The following PEX7 variants were observed in gnomAD, a reference collection of about 807,000 sequenced individuals.
PEX7 encodes the protein PTS2 receptor.
PEX7 carries 34 observed loss-of-function variants against 47.5 expected under a neutral mutation model. The observed-to-expected ratio is 0.72, with a 90% CI of 0.54 to 0.95. PEX7 has a LOEUF of 0.95. Ranked by LOEUF, PEX7 falls within the 40% of genes least tolerant of loss-of-function variation. PEX7 has a pLI of 0.00. For synonymous variants in PEX7, 141 were observed against 148.8 expected (o/e 0.95, Z 0.38); for missense variants, 394 against 400.3 (o/e 0.98, Z 0.13).
chr6:136,828,080 A>C (rs1774229790), intron 3 of PEX7, among the ~76,000 whole-genome samples: 1 of 152,096 alleles, frequency 6.6e-6, no homozygotes, highest in Admixed American at 6.6e-5. Flanking sequence ...GACATCATAA[A>C]ATAATATAGC....
chr6:136,850,118 T>C (rs1359045626), intron 5 of PEX7, among the ~76,000 whole-genome samples: 1 of 152,168 alleles, frequency 6.6e-6, no homozygotes, highest in Non-Finnish European at 1.5e-5. Context: ...TGGCCTTCTT[T>C]GTCTCTTCTG....
At chr6:136,875,949 A>G (rs1775263051) in intron 8 of PEX7, among the ~76,000 whole-genome samples, 1 of 151,838 alleles carries the variant, frequency 6.6e-6, no homozygotes, top group Non-Finnish European at 1.5e-5. Context: ...TATCAGAATC[A>G]TTGCCCTCGC....
Position 136,828,892 on chromosome 6 carries a change from A to C in PEX7, c.339+2423A>C, listed in dbSNP as rs138052342. Among the ~76,000 whole-genome samples the C allele has an allele frequency of 9.2e-3, 1,397 of 152,322 alleles. 24 individuals are homozygous for C. Among genetic ancestry groups the C allele is most frequent in the African/African-American group, 0.031 (1,268 of 41,568 alleles). Reference sequence around the variant, plus strand: ...TGAACTGCTATTAAACCAGTTTTACATCATTCTGTGATTTTGCAGCTGATT... The same window carrying C: ...TGAACTGCTATTAAACCAGTTTTACCTCATTCTGTGATTTTGCAGCTGATT... On this transcript the variant is annotated intron_variant, in intron 3 of 9. Transcript: ENST00000318471.
At chr6:136,837,459 A>G (rs1344928018) in intron 3 of PEX7, among the ~76,000 whole-genome samples, 1 of 151,838 alleles carries the variant, frequency 6.6e-6, no homozygotes, top group Non-Finnish European at 1.5e-5. Context: ...GGGAATAGTT[A>G]TATAAACTTG....
At chr6:136,845,162 G>A (rs1226943116) in intron 3 of PEX7, among the ~76,000 whole-genome samples, 4 of 152,166 alleles carry the variant, frequency 2.6e-5, no homozygotes, top group Non-Finnish European at 4.4e-5. Context: ...AAGAGATCTG[G>A]AAGGATCACC....
At chr6:136,838,239 A>T (rs956965775) in intron 3 of PEX7, among the ~76,000 whole-genome samples, 5 of 152,240 alleles carry the variant, frequency 3.3e-5, no homozygotes, top group African/African-American at 1.2e-4. Context: ...TCCTAATATA[A>T]TTGGAAGCTA....
intron 5 of PEX7, among the ~76,000 whole-genome samples, chr6:136,860,081 G>C (rs1279809472): frequency 1.1e-4 from 17 of 151,948 alleles, no homozygotes; most frequent in Admixed American, 1.0e-3. Context: ...GATAAGAGAA[G>C]CTGGCAATTC....
intron 3 of PEX7, among the ~76,000 whole-genome samples, chr6:136,828,472 G>A (rs1582734306): frequency 6.6e-6 from 1 of 152,242 alleles, no homozygotes; most frequent in East Asian, 1.9e-4. Context: ...ACCTTCTATA[G>A]CAACCAACTG....
In PEX7 at chr6:136,850,990, T is replaced by A. The variant is rs866235653; in HGVS notation, c.526+4809T>A. The stretch of plus-strand genomic sequence containing the variant: ...CTGTCTTTTTTTTTTATTTTTTTTT[T>A]ATTTTTAATTTTTTTTTTTTTTATT... On this transcript the variant is annotated intron_variant, in intron 5 of 9. Transcript: ENST00000318471. Among the ~76,000 whole-genome samples the A allele has an allele frequency of 7.3e-4, 82 of 112,158 alleles. 1 individual carries two copies. Among genetic ancestry groups the A allele is most frequent in the Middle Eastern group, 8.5e-3 (2 of 236 alleles). 73.6% of individuals were successfully genotyped at this position (112,158 alleles called of 152,430 possible). A position where few individuals can be genotyped will look rare whatever the true frequency, so the allele number is the denominator to read the frequency against.
chr6:136,906,312 CAAATT>C (rs1227783115), intron 9 of PEX7, among the ~76,000 whole-genome samples: 3 of 151,910 alleles, frequency 2.0e-5, no homozygotes, highest in African/African-American at 7.3e-5. Flanking sequence ...TCATGATTGT[CAAATT>C]GAATAAGTAT....
At chr6:136,841,891 A>C in intron 3 of PEX7, among the ~76,000 whole-genome samples, 2 of 135,112 alleles carry the variant, frequency 1.5e-5, no homozygotes, top group African/African-American at 5.5e-5. Context: ...TGGTGTAATT[A>C]CTCTTTTTTT....
At chr6:136,832,342 G>A (rs943753666) in intron 3 of PEX7, among the ~76,000 whole-genome samples, 1 of 152,258 alleles carries the variant, frequency 6.6e-6, no homozygotes, top group Non-Finnish European at 1.5e-5. Context: ...GCTGCACAGA[G>A]CAGCAGGGCC....
chr6:136,841,929 T>C (rs1774508835), intron 3 of PEX7, among the ~76,000 whole-genome samples: 1 of 150,388 alleles, frequency 6.6e-6, no homozygotes, highest in Non-Finnish European at 1.5e-5. Context: ...CCACACAGTC[T>C]CCTGATCTGT....
At chr6:136,828,765 C>T (rs140417001) in intron 3 of PEX7, among the ~76,000 whole-genome samples, 1,752 of 152,326 alleles carry the variant, frequency 0.012, 46 homozygotes, top group African/African-American at 0.04. Context: ...GAGCCCCTAG[C>T]TCTAATAATA....
In PEX7 at chr6:136,846,263, TTAGCTTCA is replaced by T. The variant is rs546882861; in HGVS notation, c.526+83_526+90del. ...TTACCATTAGGTGGCGCTGTGTACCTTAGCTTCAGAGAGAAAACAGGAGAATATTACTA... is the reference window on the plus strand; with the variant it reads ...TTACCATTAGGTGGCGCTGTGTACCTGAGAGAAAACAGGAGAATATTACTA... On this transcript the variant is annotated intron_variant, in intron 5 of 9. Coordinates refer to ENST00000318471, the MANE Select transcript of PEX7 (RefSeq NM_000288.4). The T allele has an allele frequency of 5.4e-4, 381 of 708,572 alleles. 1 individual carries two copies. The highest frequency in any genetic ancestry group is 3.5e-3 in the African/African-American group (200 of 56,426). The allele number at this position is 708,572 out of a possible 1,614,324, so 43.9% of individuals were successfully genotyped here.
intron 1 of PEX7, chr6:136,823,070 T>C: frequency 1.0e-6 from 1 of 985,376 alleles, no homozygotes; most frequent in Non-Finnish European, 1.2e-6. Flanking sequence ...CCGCGCTGCC[T>C]CCGCCACGTG....
At chr6:136,842,950 T>A (rs1324026876) in intron 3 of PEX7, among the ~76,000 whole-genome samples, 1 of 152,148 alleles carries the variant, frequency 6.6e-6, no homozygotes, top group Admixed American at 6.5e-5. Flanking sequence ...AAGATCTGTG[T>A]ATAGGTAATT....
At chr6:136,841,575 A>C (rs1036277520) in intron 3 of PEX7, among the ~76,000 whole-genome samples, 2 of 151,886 alleles carry the variant, frequency 1.3e-5, no homozygotes, top group Admixed American at 1.3e-4. Flanking sequence ...TTATGTTTAT[A>C]GTTTGTTTTG....
chr6:136,835,459 T>C (rs997468517), intron 3 of PEX7, among the ~76,000 whole-genome samples: 1 of 151,986 alleles, frequency 6.6e-6, no homozygotes, highest in Non-Finnish European at 1.5e-5. Flanking sequence ...TGGCTGATTT[T>C]TGTATTTTTA....
Sources: allele counts gnomAD v4.1 joint callset (sites outside exome capture counted in the v4.1 genomes callset), GRCh38; gene constraint gnomAD v4.1.1; transcripts MANE v1.5; gene names NCBI Gene and HGNC (gene_info 2026-07-23, HGNC 2026-07-21).